The following RFX2 variants were observed in gnomAD, a reference collection of about 807,000 sequenced individuals.
The protein encoded by RFX2 is DNA-binding protein RFX2.
RFX2 carries 20 observed loss-of-function variants against 87.8 expected under a neutral mutation model. That is an observed-to-expected ratio of 0.23 (90% CI 0.16 to 0.33). The LOEUF (loss-of-function observed/expected upper bound fraction) is 0.33, where lower values mean the gene tolerates loss of function less well. RFX2 is among the 10% of genes least tolerant of loss of function. RFX2 has a pLI of 1.00. For synonymous variants in RFX2, 397 were observed against 431.3 expected, an observed-to-expected ratio of 0.92 and a Z score of 0.98; for missense variants, 767 against 1,012.3, an observed-to-expected ratio of 0.76 and a Z score of 3.29.
chr19:6,013,233 T>G lies in RFX2; in HGVS notation c.780-128A>C. On this transcript the variant is annotated intron_variant, in intron 7 of 17. Coordinates refer to ENST00000303657, the MANE Select transcript of RFX2 (RefSeq NM_000635.4). The surrounding 1 kb of genome is among the most constrained non-coding windows in gnomAD (Gnocchi z 4.1). The stretch of plus-strand genomic sequence containing the variant: ...CAGAATCTCATTCTGTCGCCCAGGC[T>G]GGAGTACAGCAGTGCCATCTCGGCT... 2.0e-6 allele frequency: 2 copies of G among 980,582 alleles called. No individual in the cohort carries two copies. Among genetic ancestry groups the G allele is most frequent in the Non-Finnish European group, 2.9e-6 (2 of 701,318 alleles). 60.7% of individuals were successfully genotyped at this position (980,582 alleles called of 1,614,324 possible). A position where few individuals can be genotyped will look rare whatever the true frequency, so the allele number is the denominator to read the frequency against.
Position 6,019,544 on chromosome 19 carries a change from G to GTGTGTGTA in RFX2, c.598-3274_598-3273insTACACACA, listed in dbSNP as rs386388444. On this transcript the variant is annotated intron_variant, in intron 6 of 17. Coordinates refer to ENST00000303657, the MANE Select transcript of RFX2 (RefSeq NM_000635.4). The stretch of plus-strand genomic sequence containing the variant: ...TGTGTGTGTGTGTGTGTGTGTGTGT[G>GTGTGTGTA]TATATACTTTTATATACTTTTTTTT... Among the ~76,000 whole-genome samples the GTGTGTGTA allele has an allele frequency of 2.6e-3, 366 of 143,160 alleles. 5 individuals are homozygous for GTGTGTGTA. Among genetic ancestry groups the GTGTGTGTA allele is most frequent in the African/African-American group, 9.7e-3 (359 of 36,946 alleles). The allele number at this position is 143,160 out of a possible 152,430, so 93.9% of individuals were successfully genotyped here.
chr19:6,032,093 T>G (rs909979089), intron 5 of RFX2, among the ~76,000 whole-genome samples: 5 of 152,166 alleles, frequency 3.3e-5, no homozygotes, highest in Non-Finnish European at 7.3e-5. Flanking sequence ...TTTGGGGTCT[T>G]TATAGAGAAT....
chr19:6,001,464 C>T lies in RFX2; in HGVS notation c.1859+351G>A, dbSNP rs1240368791. ...TTTTTGTAGAGGTCCTGATATTTTC[C>T]CCAGGGTCGTCTCAAATTTCTGGTC... On this transcript the variant is annotated intron_variant, in intron 15 of 17. Coordinates refer to ENST00000303657, the MANE Select transcript of RFX2 (RefSeq NM_000635.4). This position sits in a 1 kb window ranked among gnomAD's most constrained non-coding sequence, Gnocchi z 5.6. Among the ~76,000 whole-genome samples the T allele has an allele frequency of 6.6e-6, 1 of 152,152 alleles. No homozygotes were observed. The highest frequency in any genetic ancestry group is 2.4e-5 in the African/African-American group (1 of 41,420).
intron 1 of RFX2, among the ~76,000 whole-genome samples, chr19:6,099,412 T>C (rs2088080645): frequency 6.6e-6 from 1 of 152,172 alleles, no homozygotes; most frequent in Admixed American, 6.5e-5. Context: ...CTTTTGAAAT[T>C]TGGTAAAGGA....
At chr19:6,008,073 G>A (rs1030728518) in intron 10 of RFX2, 33 bp downstream of exon 10, 46 of 1,480,576 alleles carry the variant, frequency 3.1e-5, no homozygotes, top group Non-Finnish European at 4.2e-5. Flanking sequence ...GGAGGGACAC[G>A]CAGGAGCTGC....
intron 1 of RFX2, among the ~76,000 whole-genome samples, chr19:6,099,198 A>G (rs1323862335): frequency 4.6e-5 from 7 of 152,168 alleles, no homozygotes; most frequent in African/African-American, 1.4e-4. Context: ...GAGACAAATC[A>G]AGCCACTGCA....
chr19:6,078,834 T>C (rs545669574), intron 1 of RFX2, among the ~76,000 whole-genome samples: 21 of 152,310 alleles, frequency 1.4e-4, no homozygotes, highest in African/African-American at 4.8e-4. Flanking sequence ...TGGGGTGCAG[T>C]GCACAATCTC....
Position 6,046,565 on chromosome 19 carries a change from A to C in RFX2, c.90+842T>G, listed in dbSNP as rs952468600. ...CAGAGCGAGACTCCGTCCCCCCCCA[A>C]AAAAAAAAAAAAATTCTAACTCATC... On this transcript the variant is annotated intron_variant, in intron 2 of 17. Transcript: ENST00000303657. Among the ~76,000 whole-genome samples the C allele has an allele frequency of 7.1e-5, 10 of 139,932 alleles. No individual in the cohort carries two copies. In the East Asian group the frequency reaches 7.8e-4, roughly 11 times the overall value. 91.8% of individuals were successfully genotyped at this position (139,932 alleles called of 152,430 possible). A position where few individuals can be genotyped will look rare whatever the true frequency, so the allele number is the denominator to read the frequency against.
chr19:6,041,126 T>G (rs2087099973), intron 4 of RFX2, among the ~76,000 whole-genome samples: 1 of 152,172 alleles, frequency 6.6e-6, no homozygotes, highest in Non-Finnish European at 1.5e-5. Flanking sequence ...TTGAGTGCAG[T>G]GGCAAAATCA....
Position 6,083,270 on chromosome 19 carries a change from A to C in RFX2, c.-9+27123T>G, listed in dbSNP as rs609335. ...AAAATACTGCATTAAAACATTGTGT[A>C]TCTTGATGACTGTGGATTTTTGTAG... On this transcript the variant is annotated intron_variant, in intron 1 of 17. Transcript: ENST00000303657. This position sits in a 1 kb window ranked among gnomAD's most constrained non-coding sequence, Gnocchi z 4.6. Among the ~76,000 whole-genome samples the C allele has an allele frequency of 0.042, 6,379 of 152,218 alleles. 443 individuals are homozygous for C. Among genetic ancestry groups the C allele is most frequent in the African/African-American group, 0.15 (6,025 of 41,514 alleles).
At chr19:6,034,273 G>A (rs1270506124) in intron 5 of RFX2, among the ~76,000 whole-genome samples, 4 of 146,640 alleles carry the variant, frequency 2.7e-5, no homozygotes, top group Admixed American at 7.0e-5. Context: ...TCTGTTACCA[G>A]GCTGGAGTGC....
In RFX2 at chr19:6,046,605, CTT is replaced by C. The variant is rs55854937; in HGVS notation, c.90+800_90+801del. Among the ~76,000 whole-genome samples the C allele has an allele frequency of 7.8e-3, 710 of 90,466 alleles. 3 individuals carry two copies. The highest frequency in any genetic ancestry group is 0.027 in the African/African-American group (668 of 25,026). 59.3% of individuals were successfully genotyped at this position (90,466 alleles called of 152,430 possible). A position where few individuals can be genotyped will look rare whatever the true frequency, so the allele number is the denominator to read the frequency against. ...TCTAACTCATCTTTTGCCTTTTTGCCTTTTTTTTTTTTTTTTTTTTTTTTTTG... is the reference window on the plus strand; with the variant it reads ...TCTAACTCATCTTTTGCCTTTTTGCCTTTTTTTTTTTTTTTTTTTTTTTTG... On this transcript the variant is annotated intron_variant, in intron 2 of 17. Coordinates refer to ENST00000303657, the MANE Select transcript of RFX2 (RefSeq NM_000635.4).
rs748661459 is a variant in RFX2, at chr19:6,081,807, G to T, written c.-9+28586C>A. ...GTCTCTACTAAAAATACAAAAATTG[G>T]CCGGGCGCGTTGGCTCACGCTTGTA... On this transcript the variant is annotated intron_variant, in intron 1 of 17. Transcript: ENST00000303657. Among the ~76,000 whole-genome samples, 137 of 152,264 alleles carry T rather than the reference G, an allele frequency of 9.0e-4. 1 individual carries two copies. Among genetic ancestry groups the T allele is most frequent in the Middle Eastern group, 6.8e-3 (2 of 294 alleles).
chr19:6,077,635 T>G (rs1311376665), intron 1 of RFX2, among the ~76,000 whole-genome samples: 1 of 152,190 alleles, frequency 6.6e-6, no homozygotes, highest in Non-Finnish European at 1.5e-5. Flanking sequence ...AGCAGCGTTG[T>G]CCTAATGGCC....
At chr19:6,006,797 T>C (rs1028509764) in intron 12 of RFX2, among the ~76,000 whole-genome samples, 1 of 151,340 alleles carries the variant, frequency 6.6e-6, no homozygotes, top group Non-Finnish European at 1.5e-5. Context: ...CTCACTATGC[T>C]GCCCAGGCTG....
chr19:6,019,004 CA>C (rs772172069), intron 6 of RFX2, among the ~76,000 whole-genome samples: 1 of 152,052 alleles, frequency 6.6e-6, no homozygotes, highest in South Asian at 2.1e-4. Flanking sequence ...CTTGCTACCA[CA>C]AAGTCTGCCT....
In RFX2 at chr19:6,013,105, C is replaced by T. The variant is rs1254503021; in HGVS notation, c.780G>A (p.Arg260=). 6.3e-7 allele frequency: 1 copy of T among 1,586,418 alleles called. No homozygotes were observed. Among genetic ancestry groups the T allele is most frequent in the South Asian group, 1.1e-5 (1 of 87,200 alleles). ...MGLRTRRLGT[R]GNSKYHYYGI... ...CATAGTAATGGTACTTCGAGTTGCCCCTGGAAACCAAACATCCCAGGGTCA... is the reference window on the plus strand; with the variant it reads ...CATAGTAATGGTACTTCGAGTTGCCTCTGGAAACCAAACATCCCAGGGTCA... Residue 260 remains arginine (R), a splice_region_variant and synonymous_variant, in exon 8 of 18, where the codon AGG becomes AGA. Coordinates refer to ENST00000303657, the MANE Select transcript of RFX2 (RefSeq NM_000635.4). This position sits in a 1 kb window ranked among gnomAD's most constrained non-coding sequence, Gnocchi z 4.1.
In RFX2 at chr19:6,013,757, CT is replaced by C. The variant is rs2144703820; in HGVS notation, c.780-653del. Reference sequence around the variant, plus strand: ...ACCACACTCGGATCTTGACCTTTCACTTTGGCCTCTCTGGTTCAGCATTTCC... The same window carrying C: ...ACCACACTCGGATCTTGACCTTTCACTTGGCCTCTCTGGTTCAGCATTTCC... On this transcript the variant is annotated intron_variant, in intron 7 of 17. Transcript: ENST00000303657. The surrounding 1 kb of genome is among the most constrained non-coding windows in gnomAD (Gnocchi z 4.1). Among the ~76,000 whole-genome samples, 2 of 152,318 alleles carry C rather than the reference CT, an allele frequency of 1.3e-5. No homozygotes were observed. The highest frequency in any genetic ancestry group is 3.9e-4 in the East Asian group (2 of 5,184).
chr19:6,070,401 C>T (rs969340240), intron 1 of RFX2, among the ~76,000 whole-genome samples: 3 of 151,992 alleles, frequency 2.0e-5, no homozygotes, highest in African/African-American at 7.3e-5. Flanking sequence ...TCCTGGTCCC[C>T]AGTCCCATTC....
Sources: allele counts gnomAD v4.1 joint callset (sites outside exome capture counted in the v4.1 genomes callset), GRCh38; gene constraint gnomAD v4.1.1; non-coding constraint Gnocchi (gnomAD v3.1); transcripts MANE v1.5; gene names NCBI Gene and HGNC (gene_info 2026-07-23, HGNC 2026-07-21).